The following DNAH12 variants were observed in gnomAD, a reference collection of about 807,000 sequenced individuals.
DNAH12 encodes the protein dynein axonemal heavy chain 12.
Under a neutral mutation model 371.5 loss-of-function variants are expected in DNAH12, and 285 were observed. The ratio of observed to expected loss-of-function variants is 0.77; its 90% confidence interval spans 0.70 to 0.85. The LOEUF is 0.85. Among genes scored for constraint, DNAH12 ranks in the 40% least tolerant of loss-of-function variants. The pLI, the probability that DNAH12 is intolerant of heterozygous loss-of-function variation, is 0.00. For missense variants in DNAH12, 3,611 were observed against 3,689.4 expected, an observed-to-expected ratio of 0.98 and a Z score of 0.55; for synonymous variants, 1,200 against 1,213.0, an observed-to-expected ratio of 0.99 and a Z score of 0.22.
chr3:57,303,771 T>C (rs1438049030), intron 69 of DNAH12, among the ~76,000 whole-genome samples: 5 of 152,114 alleles, frequency 3.3e-5, no homozygotes, highest in Non-Finnish European at 4.4e-5. Flanking sequence ...CTCAATACCA[T>C]TGTGTGTTTT....
intron 16 of DNAH12, among the ~76,000 whole-genome samples, chr3:57,470,057 T>G (rs2066322701): frequency 1.3e-5 from 2 of 152,092 alleles, no homozygotes; most frequent in African/African-American, 2.4e-5. Context: ...GGGGTAAACA[T>G]TAGTGAAATT....
chr3:57,473,861 A>G (rs532448577), intron 13 of DNAH12, among the ~76,000 whole-genome samples: 172 of 152,278 alleles, frequency 1.1e-3, no homozygotes, highest in Non-Finnish European at 1.5e-3. Flanking sequence ...GATTAAAGAG[A>G]AAAAGCATAT....
At chr3:57,368,928 C>T (rs938749722) in intron 55 of DNAH12, among the ~76,000 whole-genome samples, 7 of 152,080 alleles carry the variant, frequency 4.6e-5, no homozygotes, top group East Asian at 1.9e-4. Context: ...GCACAGATGC[C>T]GGGCACGGTG....
intron 4 of DNAH12, among the ~76,000 whole-genome samples, chr3:57,517,044 G>A (rs2068225848): frequency 6.6e-6 from 1 of 152,074 alleles, no homozygotes; most frequent in African/African-American, 2.4e-5. Context: ...CTTAAACTTA[G>A]CTGTTCCCTC....
Position 57,433,779 on chromosome 3 carries a change from C to CA in DNAH12, c.4704dup (p.Val1569CysfsTer11). ...ATTAAAGTTAGCGTATCCGCCAGCA[C>CA]ATGCAGAACTTTTGTCTTAGCAGCA... On this transcript the variant is annotated frameshift_variant, in exon 31 of 74. Transcript: ENST00000495027. LOFTEE classifies it high-confidence loss of function. The CA allele has an allele frequency of 1.3e-6, 2 of 1,549,768 alleles. No individual in the cohort carries two copies. Among genetic ancestry groups the CA allele is most frequent in the Non-Finnish European group, 1.7e-6 (2 of 1,146,540 alleles).
intron 25 of DNAH12, among the ~76,000 whole-genome samples, chr3:57,451,967 T>C (rs1228855349): frequency 6.6e-6 from 1 of 152,186 alleles, no homozygotes; most frequent in East Asian, 1.9e-4. Flanking sequence ...GCTGCGTACT[T>C]GATCTCTCAA....
chr3:57,345,285 C>T (rs1553657685), intron 60 of DNAH12, among the ~76,000 whole-genome samples: 1 of 152,116 alleles, frequency 6.6e-6, no homozygotes, highest in Non-Finnish European at 1.5e-5. Flanking sequence ...TGACTCTTCT[C>T]TGTCTCTTGG....
At chr3:57,406,054 G>A (rs1575555588) in intron 40 of DNAH12, 102 bp from the exon 41 acceptor site, 3 of 1,269,852 alleles carry the variant, frequency 2.4e-6, no homozygotes, top group Admixed American at 2.6e-5. Context: ...TACTCTGTCA[G>A]ATTATATGGG....
chr3:57,296,221 G>T (rs1296378490), intron 72 of DNAH12, 123 bp downstream of exon 72: 7 of 574,708 alleles, frequency 1.2e-5, no homozygotes, highest in South Asian at 4.8e-5. Flanking sequence ...AATAATTTAT[G>T]TGAGAGTTCT....
At chr3:57,445,090 G>T in intron 28 of DNAH12, 84 bp downstream of exon 28, 1 of 1,384,386 alleles carries the variant, frequency 7.2e-7, no homozygotes, top group Non-Finnish European at 9.6e-7. Flanking sequence ...CCTCTCAAGT[G>T]CCTATTTGTA....
At chr3:57,361,364 C>T (rs940587081) in intron 58 of DNAH12, among the ~76,000 whole-genome samples, 24 of 147,516 alleles carry the variant, frequency 1.6e-4, no homozygotes, top group Admixed American at 8.9e-4. Context: ...AATATATATA[C>T]GTATATATAC....
At chr3:57,355,629 A>G (rs1464963843) in intron 59 of DNAH12, among the ~76,000 whole-genome samples, 1 of 152,196 alleles carries the variant, frequency 6.6e-6, no homozygotes, top group Non-Finnish European at 1.5e-5. Context: ...ACCTTATTTT[A>G]AAATCCAACC....
At chr3:57,545,465 T>C (rs372773706), upstream of DNAH12, among the ~76,000 whole-genome samples, 188 of 152,048 alleles carry the variant, frequency 1.2e-3, 1 homozygote, top group African/African-American at 4.3e-3. Context: ...TGCCACCTTT[T>C]CTCTTTTAAA....
At chr3:57,521,254 A>C (rs1019224903) in intron 4 of DNAH12, among the ~76,000 whole-genome samples, 1 of 151,846 alleles carries the variant, frequency 6.6e-6, no homozygotes, top group Non-Finnish European at 1.5e-5. Flanking sequence ...TTTTTAGTTA[A>C]TTTTTGTACA....
At chr3:57,357,614 A>G (rs2062830096) in intron 58 of DNAH12, among the ~76,000 whole-genome samples, 1 of 152,166 alleles carries the variant, frequency 6.6e-6, no homozygotes, top group Admixed American at 6.5e-5. Context: ...ACAAGTTTAA[A>G]CTTTAGATTA....
intron 35 of DNAH12, 44 bp downstream of exon 35, chr3:57,424,978 A>C (rs2153363203): frequency 1.5e-6 from 1 of 683,302 alleles, no homozygotes; most frequent in East Asian, 2.7e-5. Flanking sequence ...TACCAGAAGC[A>C]TAATTTATTT....
At chr3:57,535,670 G>A (rs1013108789) in intron 2 of DNAH12, among the ~76,000 whole-genome samples, 1 of 151,942 alleles carries the variant, frequency 6.6e-6, no homozygotes, top group Non-Finnish European at 1.5e-5. Context: ...AGCCTCCCGA[G>A]TAGCTGGGAT....
chr3:57,319,556 G>A (rs114798413), intron 65 of DNAH12, among the ~76,000 whole-genome samples: 3,008 of 151,876 alleles, frequency 0.02, 44 homozygotes, highest in Non-Finnish European at 0.03. Context: ...TCTATTCCTC[G>A]TTTGTTAAGA....
intron 44 of DNAH12, among the ~76,000 whole-genome samples, chr3:57,393,340 T>G (rs946455881): frequency 5.3e-5 from 8 of 152,024 alleles, no homozygotes; most frequent in African/African-American, 1.7e-4. Flanking sequence ...AAATGAGGTC[T>G]AAAGTGGCCG....
Sources: allele counts gnomAD v4.1 joint callset (sites outside exome capture counted in the v4.1 genomes callset), GRCh38; gene constraint gnomAD v4.1.1; transcripts MANE v1.5; gene names NCBI Gene and HGNC (gene_info 2026-07-23, HGNC 2026-07-21).